SDC3: variants seen among roughly 807,000 people sequenced by gnomAD.
SDC3 encodes syndecan-3.
SDC3 carries 13 observed loss-of-function variants against 24.4 expected under a neutral mutation model. The ratio of observed to expected loss-of-function variants is 0.53; its 90% CI spans 0.35 to 0.85. The LOEUF (loss-of-function observed/expected upper bound fraction) is 0.85, where lower values mean the gene tolerates loss of function less well. SDC3 is among the 40% of genes least tolerant of loss of function. SDC3 has a pLI of 0.01. For synonymous variants in SDC3, 295 were observed against 260.9 expected (o/e 1.13, Z -1.26); for missense variants, 571 against 584.5 (o/e 0.98, Z 0.24).
chr1:30,876,622 T>C lies in SDC3; in HGVS notation c.800A>G (p.Glu267Gly), dbSNP rs1382715108. 5 of 1,570,964 alleles carry C rather than the reference T, an allele frequency of 3.2e-6. No homozygotes were observed. In the African/African-American group the frequency reaches 6.8e-5, roughly 21 times the overall value. ...GGTGCTCCTCTCAGGGATGTCAGGC[T>C]CCTGGGTGGTGGCCGGCCTGGGAAG... ...RALPRPATTQ[E>G]PDIPERSTLP... is the part of the protein sequence containing the mutation. Residue 267 changes from glutamate to glycine, a missense_variant, in exon 3 of 5, where the codon GAG becomes GGG. By Grantham distance (98) the Glu-to-Gly change is moderately conservative. Transcript: ENST00000339394.
chr1:30,888,437 G>A (rs1272035970), intron 1 of SDC3, among the ~76,000 whole-genome samples: 1 of 152,162 alleles, frequency 6.6e-6, no homozygotes, highest in African/African-American at 2.4e-5. Context: ...CCTCCTCCAG[G>A]GAACTGAAGA....
Position 30,877,035 on chromosome 1 carries a change from G to C in SDC3, c.387C>G (p.Leu129=), listed in dbSNP as rs747965137. ...IQPVGTPFEE[L]PSERPTLEPA... ...GCTCCAGGGTGGGGCGCTCAGAGGGGAGCTCTTCAAATGGTGTGCCCACAG... is the reference window on the plus strand; with the variant it reads ...GCTCCAGGGTGGGGCGCTCAGAGGGCAGCTCTTCAAATGGTGTGCCCACAG... The change falls in exon 3 of 5, where the codon CTC becomes CTG. Residue 129 remains leucine (L), a synonymous_variant. Transcript: ENST00000339394. 6.2e-6 allele frequency: 10 copies of C among 1,613,796 alleles called. No individual in the cohort carries two copies. The South Asian group carries it at 1.1e-4, about 18-fold the overall frequency.
At chr1:30,875,084 A>G (rs1639614834) in intron 3 of SDC3, among the ~76,000 whole-genome samples, 1 of 152,284 alleles carries the variant, frequency 6.6e-6, no homozygotes, top group African/African-American at 2.4e-5. Context: ...GCAGACTATG[A>G]TGGCCTCAGG....
At position 30,878,628 on chromosome 1, in the gene SDC3, G is replaced by C. The variant is rs549486633; in HGVS notation, c.251C>G (p.Ser84Trp). 1 of 1,613,258 alleles carries C rather than the reference G, an allele frequency of 6.2e-7. No homozygotes were observed. Among genetic ancestry groups the C allele is most frequent in the South Asian group, 1.1e-5 (1 of 91,068 alleles). ...ELDDLYSGSG[S>W]GYFEQESGIE... ...GTAGGGAGGGGGGTACTTACAGCCC[G>C]AGCCCGACCCCGAGTAGAGGTCATC... is the stretch of plus-strand genomic sequence containing the variant. The change falls in exon 2 of 5, where the codon TCG becomes TGG. Residue 84 changes from serine (S) to tryptophan (W), a missense_variant. By Grantham distance (177) the Ser-to-Trp change is radical. This residue lies in a region of SDC3 where 497 missense variants were observed against 471.6 expected (regional missense o/e 1.05). Coordinates refer to ENST00000339394, the MANE Select transcript of SDC3 (RefSeq NM_014654.4).
chr1:30,901,662 C>G (rs1207634149), intron 1 of SDC3, among the ~76,000 whole-genome samples: 2 of 152,136 alleles, frequency 1.3e-5, no homozygotes, highest in Non-Finnish European at 2.9e-5. Context: ...TACCCCCACC[C>G]CCAGAGTTCT....
At chr1:30,878,936 C>A (rs1569997634) in intron 1 of SDC3, 196 bp from the exon 2 acceptor site, 2 of 556,364 alleles carry the variant, frequency 3.6e-6, no homozygotes, top group East Asian at 5.8e-5. Context: ...CACCTGGGGT[C>A]CCATCCCAGA....
chr1:30,903,429 A>G (rs1309137849), intron 1 of SDC3, among the ~76,000 whole-genome samples: 2 of 152,132 alleles, frequency 1.3e-5, no homozygotes, highest in Non-Finnish European at 2.9e-5. Context: ...GTGGGCACAC[A>G]CACAAATGTA....
chr1:30,894,178 TG>T (rs924065055), intron 1 of SDC3, among the ~76,000 whole-genome samples: 1 of 149,760 alleles, frequency 6.7e-6, no homozygotes, highest in East Asian at 2.0e-4. Flanking sequence ...TGAGTGGGTG[TG>T]GGGGTAAGAG....
chr1:30,880,585 G>A (rs1190447911), intron 1 of SDC3: 1 of 152,162 alleles, frequency 6.6e-6, no homozygotes, highest in African/African-American at 2.4e-5. Context: ...GAACGGCCCA[G>A]TCACCCCTGA....
chr1:30,882,208 A>G (rs1304868780), intron 1 of SDC3, among the ~76,000 whole-genome samples: 1 of 152,116 alleles, frequency 6.6e-6, no homozygotes, highest in Non-Finnish European at 1.5e-5. Flanking sequence ...TTCCCTCCAC[A>G]CACACATGCG....
intron 1 of SDC3, among the ~76,000 whole-genome samples, chr1:30,898,444 C>T (rs374671485): frequency 1.3e-5 from 2 of 152,238 alleles, no homozygotes; most frequent in African/African-American, 2.4e-5. Flanking sequence ...CCCTAGTGCT[C>T]GGCTGAGACC....
In SDC3 at chr1:30,873,164, TG is replaced by T; in HGVS notation, c.*46del. 6.8e-7 allele frequency: 1 copy of T among 1,465,004 alleles called. No individual in the cohort carries two copies. The highest frequency in any genetic ancestry group is 9.5e-7 in the Non-Finnish European group (1 of 1,048,450). 90.8% of individuals were successfully genotyped at this position (1,465,004 alleles called of 1,614,324 possible). On this transcript the variant is annotated 3_prime_UTR_variant, in exon 5 of 5. Transcript: ENST00000339394. ...GGGCTGGTGGGGCCAGGCTGGGGAC[TG>T]GACAGCAGGGTGGTGTTGAGGCTGC...
rs745624117 is a variant in SDC3, at chr1:30,878,610, G to C, written c.256+13C>G. 1.9e-6 allele frequency: 3 copies of C among 1,596,024 alleles called. No homozygotes were observed. Among genetic ancestry groups the C allele is most frequent in the East Asian group, 2.2e-5 (1 of 44,790 alleles). On this transcript the variant is annotated intron_variant, in intron 2 of 4. Transcript: ENST00000339394. ...CACTGCCCCCAGGCAGAGGTAGGGA[G>C]GGGGGTACTTACAGCCCGAGCCCGA...
chr1:30,876,106 G>A (rs894199397), intron 3 of SDC3, among the ~76,000 whole-genome samples: 8 of 152,154 alleles, frequency 5.3e-5, no homozygotes, highest in African/African-American at 1.9e-4. Flanking sequence ...GAGACTTCAC[G>A]CTCACAATGA....
Position 30,871,584 on chromosome 1 carries a change from G to A in SDC3, c.*1627C>T, listed in dbSNP as rs1317711537. 6.6e-6 allele frequency: 1 copy of A among 152,402 alleles called. No homozygotes were observed. Among genetic ancestry groups the A allele is most frequent in the African/African-American group, 2.4e-5 (1 of 41,476 alleles). 9.4% of individuals were successfully genotyped at this position (152,402 alleles called of 1,614,324 possible). ...CAGCCAGAATTGTTTGGCCAAATAGGTGAGGGGGTGTCCACAGGGAGGGCC... is the reference window on the plus strand; with the variant it reads ...CAGCCAGAATTGTTTGGCCAAATAGATGAGGGGGTGTCCACAGGGAGGGCC... On this transcript the variant is annotated 3_prime_UTR_variant, in exon 5 of 5. Transcript: ENST00000339394.
chr1:30,891,038 G>A (rs1020568131), intron 1 of SDC3, among the ~76,000 whole-genome samples: 4 of 152,242 alleles, frequency 2.6e-5, no homozygotes, highest in Admixed American at 6.5e-5. Flanking sequence ...GCTATCTGCC[G>A]TCCCCAACCC....
intron 1 of SDC3, 79 bp downstream of exon 1, chr1:30,908,370 G>C (rs1638573735): frequency 1.2e-6 from 1 of 861,672 alleles, no homozygotes; most frequent in African/African-American, 1.9e-5. Context: ...CGGAGGGGGG[G>C]TCGCGGGCGG....
At chr1:30,908,748 TCCGCGCCCACAGCGG>T (rs1419781211) in exon 1 of SDC3, 1 of 156,210 alleles carries the variant, frequency 6.4e-6, no homozygotes. Context: ...GCCTCGCAGC[TCCGCGCCCACAGCGG>T]CCGCGCCCGC....
chr1:30,901,838 G>A (rs933064988), intron 1 of SDC3, among the ~76,000 whole-genome samples: 1 of 152,120 alleles, frequency 6.6e-6, no homozygotes, highest in Non-Finnish European at 1.5e-5. Context: ...TGCAGGAGCA[G>A]CCCGCTCCTT....
Sources: allele counts gnomAD v4.1 joint callset (sites outside exome capture counted in the v4.1 genomes callset), GRCh38; gene constraint gnomAD v4.1.1; regional missense constraint gnomAD v4.1.1; transcripts MANE v1.5; gene names NCBI Gene and HGNC (gene_info 2026-07-23, HGNC 2026-07-21).